CDKN2B-AS1: variants seen among roughly 807,000 people sequenced by gnomAD.
CDKN2B-AS1 encodes the protein CDKN2B antisense RNA 1 (non-protein coding).
At position 22,006,356 on chromosome 9, in the gene CDKN2B-AS1, T is replaced by G; in HGVS notation, n.29+11195T>G. 1 of 1,460,526 alleles carries G rather than the reference T, an allele frequency of 6.8e-7. No homozygotes were observed. Among genetic ancestry groups the G allele is most frequent in the Non-Finnish European group, 9.3e-7 (1 of 1,074,536 alleles). The allele number at this position is 1,460,526 out of a possible 1,614,324, so 90.5% of individuals were successfully genotyped here. On this transcript the variant is annotated intron_variant and non_coding_transcript_variant, in intron 1 of 4. Coordinates refer to ENST00000650946, the Ensembl canonical transcript of CDKN2B-AS1. This position sits in a 1 kb window ranked among gnomAD's most constrained non-coding sequence, Gnocchi z 6.4. ...TAAAGAAACACCTAATTGCAAAGTT[T>G]TCACCCAGTGCAGAGGTGTTCAGGT...
rs1352340377 is a variant in CDKN2B-AS1 at position 22,005,435 on chromosome 9, G to GGT, written n.29+10274_29+10275insGT. ...ACTTGCCATGCGCTCAAACTAAAGC[G>GGT]CCGCCGGGGACTTACTGAAGCCCAC... On this transcript the variant is annotated intron_variant and non_coding_transcript_variant, in intron 1 of 4. Coordinates refer to ENST00000650946, the Ensembl canonical transcript of CDKN2B-AS1. The surrounding 1 kb of genome is among the most constrained non-coding windows in gnomAD (Gnocchi z 4.9). 43 of 245,648 alleles carry GGT rather than the reference G, an allele frequency of 1.8e-4. No individual in the cohort carries two copies. Among genetic ancestry groups the GGT allele is most frequent in the Non-Finnish European group, 2.1e-4 (26 of 125,522 alleles). 15.2% of individuals were successfully genotyped at this position (245,648 alleles called of 1,614,324 possible).
chr9:22,009,375 G>C (rs1258278509), intron 1 of CDKN2B-AS1: 4 of 335,640 alleles, frequency 1.2e-5, no homozygotes, highest in African/African-American at 2.2e-5. Context: ...ACCCCCTTAG[G>C]CTCCGCCCCC....
At chr9:22,037,768 T>C (rs1303557060) in intron 1 of CDKN2B-AS1, among the ~76,000 whole-genome samples, 1 of 152,004 alleles carries the variant, frequency 6.6e-6, no homozygotes, top group Admixed American at 6.6e-5. Context: ...TAAAGCAAGG[T>C]ATTTGGATTA....
intron 1 of CDKN2B-AS1, among the ~76,000 whole-genome samples, chr9:22,025,871 G>A (rs968205793): frequency 5.3e-5 from 8 of 152,250 alleles, no homozygotes; most frequent in African/African-American, 1.9e-4. Context: ...CCATACTGGG[G>A]GTATGCTTTA....
At chr9:22,007,730 A>G (rs1821264435) in intron 1 of CDKN2B-AS1, among the ~76,000 whole-genome samples, 1 of 152,206 alleles carries the variant, frequency 6.6e-6, no homozygotes, top group African/African-American at 2.4e-5. Flanking sequence ...TACATAGAAA[A>G]AAAGGGGAAA....
At chr9:22,034,630 C>G (rs1414429680) in intron 1 of CDKN2B-AS1, among the ~76,000 whole-genome samples, 2 of 152,142 alleles carry the variant, frequency 1.3e-5, no homozygotes, top group Non-Finnish European at 2.9e-5. Flanking sequence ...AAGTGTTTAT[C>G]ATACTCAATC....
rs1820834719 is a variant in CDKN2B-AS1, at chr9:21,999,551, A to G, written n.29+4390A>G. Among the ~76,000 whole-genome samples the G allele has an allele frequency of 6.6e-6, 1 of 152,018 alleles. No individual in the cohort carries two copies. The highest frequency in any genetic ancestry group is 1.5e-5 in the Non-Finnish European group (1 of 67,954). ...TGTATGGATACATATGTATATATGGATAGATTTTACACCTACAGACACATT... is the reference window on the plus strand; with the variant it reads ...TGTATGGATACATATGTATATATGGGTAGATTTTACACCTACAGACACATT... On this transcript the variant is annotated intron_variant and non_coding_transcript_variant, in intron 1 of 4. Transcript: ENST00000650946. The surrounding 1 kb of genome is among the most constrained non-coding windows in gnomAD (Gnocchi z 4.7).
chr9:22,052,498 T>C (rs1373119335), intron 3 of CDKN2B-AS1, among the ~76,000 whole-genome samples: 1 of 152,180 alleles, frequency 6.6e-6, no homozygotes, highest in Admixed American at 6.5e-5. Context: ...TACAGAAGCA[T>C]TGAGAATTTC....
chr9:22,099,216 G>C lies in CDKN2B-AS1; in HGVS notation n.439-27887G>C, dbSNP rs559066950. On this transcript the variant is annotated intron_variant and non_coding_transcript_variant, in intron 4 of 4. Transcript: ENST00000650946. ...AAGAACACTCCATTTTTGAGGAATA[G>C]CCAATAGCTGGGCACGTCTAGAGCA... Among the ~76,000 whole-genome samples the C allele has an allele frequency of 2.6e-5, 4 of 152,260 alleles. No individual in the cohort carries two copies. The South Asian group carries it at 8.3e-4, about 32-fold the overall frequency.
Position 22,008,573 on chromosome 9 carries a change from C to T in CDKN2B-AS1, n.29+13412C>T, listed in dbSNP as rs555748240. ...CCTTGCATCTCTGATCATGAGATGGCAGAACAAAAACCACTAAAAAAAGCT... is the reference window on the plus strand; with the variant it reads ...CCTTGCATCTCTGATCATGAGATGGTAGAACAAAAACCACTAAAAAAAGCT... On this transcript the variant is annotated intron_variant and non_coding_transcript_variant, in intron 1 of 4. Coordinates refer to ENST00000650946, the Ensembl canonical transcript of CDKN2B-AS1. 8.4e-5 allele frequency: 106 copies of T among 1,259,554 alleles called. 1 individual carries two copies. The East Asian group carries it at 2.7e-3, about 32-fold the overall frequency. The allele number at this position is 1,259,554 out of a possible 1,614,324, so 78.0% of individuals were successfully genotyped here.
chr9:22,029,445 C>A (rs374020351), intron 1 of CDKN2B-AS1: 1 of 779,546 alleles, frequency 1.3e-6, no homozygotes, highest in South Asian at 1.3e-5. Flanking sequence ...CTATTTGCCA[C>A]GACATTTCAA....
chr9:22,040,609 G>T (rs534596694), intron 1 of CDKN2B-AS1, among the ~76,000 whole-genome samples: 45 of 151,942 alleles, frequency 3.0e-4, no homozygotes, highest in Non-Finnish European at 5.7e-4. Flanking sequence ...TCCATCTTCT[G>T]AGGAATGAAC....
intron 4 of CDKN2B-AS1, among the ~76,000 whole-genome samples, chr9:22,111,422 G>T (rs1825801917): frequency 6.6e-6 from 1 of 152,086 alleles, no homozygotes; most frequent in Non-Finnish European, 1.5e-5. Flanking sequence ...TCTGACTAAT[G>T]CCTTCCATTT....
At chr9:22,094,980 A>G (rs1162131038) in intron 4 of CDKN2B-AS1, among the ~76,000 whole-genome samples, 2 of 144,150 alleles carry the variant, frequency 1.4e-5, no homozygotes, top group East Asian at 2.0e-4. Flanking sequence ...TGACGTACAG[A>G]TGGGGTTTTG....
chr9:22,084,313 T>C (rs1380199531), intron 4 of CDKN2B-AS1, among the ~76,000 whole-genome samples: 1 of 152,214 alleles, frequency 6.6e-6, no homozygotes, highest in Admixed American at 6.5e-5. Flanking sequence ...ATTACCTTCG[T>C]AAAAGAAGCA....
At chr9:22,112,841 C>T (rs866125830) in intron 4 of CDKN2B-AS1, among the ~76,000 whole-genome samples, 2 of 151,838 alleles carry the variant, frequency 1.3e-5, no homozygotes, top group African/African-American at 4.8e-5. Flanking sequence ...AGTAAAAGTC[C>T]ACAAGTTCAG....
intron 4 of CDKN2B-AS1, among the ~76,000 whole-genome samples, chr9:22,106,324 GC>G (rs1202232050): frequency 5.9e-5 from 9 of 151,996 alleles, no homozygotes; most frequent in African/African-American, 1.9e-4. Flanking sequence ...CTCATGATCC[GC>G]CCGCCTCAGC....
intron 1 of CDKN2B-AS1, chr9:22,032,576 A>G (rs993988006): frequency 6.6e-6 from 1 of 151,998 alleles, no homozygotes; most frequent in African/African-American, 2.4e-5. Context: ...TGTCCATGCC[A>G]TTTTGAGTTT....
chr9:22,005,850 C>T lies in CDKN2B-AS1; in HGVS notation n.29+10689C>T. The T allele has an allele frequency of 3.3e-6, 4 of 1,215,172 alleles. No individual in the cohort carries two copies. Among genetic ancestry groups the T allele is most frequent in the Non-Finnish European group, 4.6e-6 (4 of 861,790 alleles). 75.3% of individuals were successfully genotyped at this position (1,215,172 alleles called of 1,614,324 possible). ...GTTATTCCCGGTCGGCTCCTCCTTC[C>T]TGTGAGTCTCAGACAGGCTTGCAGG... On this transcript the variant is annotated intron_variant and non_coding_transcript_variant, in intron 1 of 4. Coordinates refer to ENST00000650946, the Ensembl canonical transcript of CDKN2B-AS1. This position sits in a 1 kb window ranked among gnomAD's most constrained non-coding sequence, Gnocchi z 4.9.
Sources: allele counts gnomAD v4.1 joint callset (sites outside exome capture counted in the v4.1 genomes callset), GRCh38; gene constraint gnomAD v4.1.1; non-coding constraint Gnocchi (gnomAD v3.1); transcripts MANE v1.5; gene names NCBI Gene and HGNC (gene_info 2026-07-23, HGNC 2026-07-21).